Variants in GPATCH1 observed in about 807,000 individuals in gnomAD.
GPATCH1 encodes G-patch domain containing 1.
In GPATCH1, 73 loss-of-function variants were observed where a neutral mutation model predicts 114.9. The observed-to-expected ratio is 0.64, with a 90% CI of 0.53 to 0.77. The LOEUF is 0.77. Ranked by LOEUF, GPATCH1 falls within the 30% of genes least tolerant of loss-of-function variation. The pLI is 0.00. For synonymous variants in GPATCH1, 391 were observed against 428.4 expected (o/e 0.91, Z 1.08); for missense variants, 1,058 against 1,144.3 (o/e 0.92, Z 1.09).
intron 8 of GPATCH1, among the ~76,000 whole-genome samples, chr19:33,100,662 T>C (rs1972715909): frequency 1.4e-5 from 2 of 146,960 alleles, no homozygotes; most frequent in Admixed American, 6.8e-5. Flanking sequence ...GGGAGAGATG[T>C]GGTGGTGCTG....
chr19:33,105,936 C>T (rs1599859055), intron 9 of GPATCH1, among the ~76,000 whole-genome samples: 2 of 152,016 alleles, frequency 1.3e-5, no homozygotes, highest in Admixed American at 1.3e-4. Flanking sequence ...CGACCTCTGC[C>T]TCCCGGGTTT....
intron 9 of GPATCH1, among the ~76,000 whole-genome samples, chr19:33,105,114 C>T (rs1238364069): frequency 6.6e-6 from 1 of 152,056 alleles, no homozygotes; most frequent in African/African-American, 2.4e-5. Flanking sequence ...TGGCTCTACT[C>T]ACATTATTCA....
At chr19:33,110,505 G>T (rs574176598) in intron 11 of GPATCH1, among the ~76,000 whole-genome samples, 4 of 152,270 alleles carry the variant, frequency 2.6e-5, no homozygotes, top group Admixed American at 2.6e-4. Flanking sequence ...GAGGAAAGGG[G>T]TTGCTGTTGT....
Position 33,126,690 on chromosome 19 carries a change from G to A in GPATCH1, c.2722G>A (p.Asp908Asn), listed in dbSNP as rs150873223. ...ESSDSSDSQS[D>N]EETADVSPQE... ...TTCCGACAGCAGCGACAGCCAGAGTGACGAGGAAACCGCAGACGTGTCGCC... is the reference window on the plus strand; with the variant it reads ...TTCCGACAGCAGCGACAGCCAGAGTAACGAGGAAACCGCAGACGTGTCGCC... Residue 908 changes from aspartate (D) to asparagine (N), a missense_variant, in exon 19 of 20, where the codon GAC (aspartate) becomes AAC (asparagine). This residue lies in a region of GPATCH1 where 893 missense variants were observed against 977.4 expected (regional missense o/e 0.91). Coordinates refer to ENST00000170564, the MANE Select transcript of GPATCH1 (RefSeq NM_018025.3). 5.0e-5 allele frequency: 80 copies of A among 1,613,884 alleles called. No individual in the cohort carries two copies. In the African/African-American group the frequency reaches 9.2e-4, roughly 19 times the overall value.
In GPATCH1 at chr19:33,111,062, G is replaced by C. The variant is rs552415815; in HGVS notation, c.1586-662G>C. 4.0e-5 allele frequency among the ~76,000 whole-genome samples: 6 copies of C among 150,398 alleles called. No individual in the cohort carries two copies. The South Asian group carries it at 1.3e-3, about 32-fold the overall frequency. ...AACGGAGTCTTGCTCTGTTGCCCAG[G>C]CTGGAGTGCAGTGTCAGGATCTTGG... On this transcript the variant is annotated intron_variant, in intron 11 of 19. Transcript: ENST00000170564.
rs1973046179 is a variant in GPATCH1, at chr19:33,126,718, A to C, written c.2750A>C (p.Gln917Pro). 1 of 1,612,794 alleles carries C rather than the reference A, an allele frequency of 6.2e-7. No homozygotes were observed. The highest frequency in any genetic ancestry group is 8.5e-7 in the Non-Finnish European group (1 of 1,179,758). Residue 917 changes from glutamine (Q) to proline (P), a missense_variant, in exon 19 of 20, where the codon CAG becomes CCG. By Grantham distance (76) the Gln-to-Pro change is moderately conservative. This residue lies in a region of GPATCH1 where 893 missense variants were observed against 977.4 expected (regional missense o/e 0.91). Transcript: ENST00000170564. ...SDEETADVSP[Q>P]ELLRRLKSLP... Reference sequence around the variant, plus strand: ...GAGGAAACCGCAGACGTGTCGCCCCAGGAGCTGCTGAGACGGTGGGTAGTG... The same window carrying C: ...GAGGAAACCGCAGACGTGTCGCCCCCGGAGCTGCTGAGACGGTGGGTAGTG...
chr19:33,093,192 AAAAT>A (rs1317477419), intron 3 of GPATCH1, among the ~76,000 whole-genome samples, 163 bp from the exon 4 acceptor site: 2 of 152,206 alleles, frequency 1.3e-5, no homozygotes, highest in East Asian at 1.9e-4. Context: ...CTGTCTCAAA[AAAAT>A]AAATAAATAA....
At chr19:33,104,338 C>CGAAAAAAAA (rs1972759539) in intron 9 of GPATCH1, among the ~76,000 whole-genome samples, 1 of 124,936 alleles carries the variant, frequency 8.0e-6, no homozygotes, top group Admixed American at 7.7e-5. Context: ...GACCCTGTCT[C>CGAAAAAAAA]AAAAAAAAGA....
At chr19:33,099,999 G>A (rs867518408) in intron 8 of GPATCH1, among the ~76,000 whole-genome samples, 2 of 151,912 alleles carry the variant, frequency 1.3e-5, no homozygotes, top group South Asian at 2.1e-4. Context: ...TTGAACTCCC[G>A]ACCTCAGGTG....
rs142466986 is a variant in GPATCH1, at chr19:33,093,432, G to A, written c.368G>A (p.Arg123Lys). The A allele has an allele frequency of 3.1e-6, 5 of 1,613,826 alleles. No homozygotes were observed. Among genetic ancestry groups the A allele is most frequent in the Non-Finnish European group, 3.4e-6 (4 of 1,179,854 alleles). Residue 123 changes from arginine to lysine, a missense_variant, in exon 4 of 20, where the codon AGA (arginine) becomes AAA (lysine). Coordinates refer to ENST00000170564, the MANE Select transcript of GPATCH1 (RefSeq NM_018025.3). ...GATTTTGCCTCCAAAACCAAAGACAGAATACGAGAAAAGGCTAGGCAGTTG... is the reference window on the plus strand; with the variant it reads ...GATTTTGCCTCCAAAACCAAAGACAAAATACGAGAAAAGGCTAGGCAGTTG... ...TDDFASKTKD[R>K]IREKARQLAA... is the part of the protein sequence containing the mutation.
At chr19:33,128,991 T>C (rs930542777) in intron 19 of GPATCH1, among the ~76,000 whole-genome samples, 1 of 152,080 alleles carries the variant, frequency 6.6e-6, no homozygotes, top group Non-Finnish European at 1.5e-5. Context: ...CTCACGTCTG[T>C]AATCCCAGCA....
chr19:33,106,651 A>C, intron 9 of GPATCH1, 44 bp from the exon 10 acceptor site: 1 of 1,483,176 alleles, frequency 6.7e-7, no homozygotes, highest in South Asian at 1.1e-5. Flanking sequence ...ATCAAACATG[A>C]TCTTGCAGCC....
chr19:33,124,642 C>T (rs1011995511), intron 17 of GPATCH1, among the ~76,000 whole-genome samples: 1 of 152,158 alleles, frequency 6.6e-6, no homozygotes, highest in Admixed American at 6.6e-5. Context: ...TAGTCTGTGT[C>T]CCTAAAAGGA....
At chr19:33,114,037 C>T (rs1011585530) in intron 14 of GPATCH1, 134 bp downstream of exon 14, 24 of 879,526 alleles carry the variant, frequency 2.7e-5, no homozygotes, top group Non-Finnish European at 4.2e-5. Flanking sequence ...GGGAATTACT[C>T]TTACTAATAA....
intron 8 of GPATCH1, 96 bp downstream of exon 8, chr19:33,097,998 G>A (rs1041395446): frequency 9.8e-6 from 11 of 1,119,416 alleles, no homozygotes; most frequent in African/African-American, 7.8e-5. Flanking sequence ...AGCCTCTGTT[G>A]TTGGTCAAAG....
chr19:33,108,592 C>T (rs1972814115), intron 10 of GPATCH1, among the ~76,000 whole-genome samples: 1 of 151,980 alleles, frequency 6.6e-6, no homozygotes, highest in African/African-American at 2.4e-5. Context: ...GGTTATCTGC[C>T]TGTCCCCTCT....
chr19:33,115,850 A>G (rs569642810), intron 15 of GPATCH1, among the ~76,000 whole-genome samples: 11 of 152,270 alleles, frequency 7.2e-5, no homozygotes, highest in South Asian at 2.1e-4. Context: ...ATACATTTTG[A>G]TAATTTATAT....
chr19:33,095,257 GTTTTTTTTTTTT>G (rs940614947), intron 5 of GPATCH1, among the ~76,000 whole-genome samples: 23 of 109,270 alleles, frequency 2.1e-4, no homozygotes, highest in African/African-American at 1.8e-4. Flanking sequence ...TATCAGTGAG[GTTTTTTTTTTTT>G]TTTTTTTTTT....
Position 33,093,535 on chromosome 19 carries a change from T to C in GPATCH1, c.455+16T>C. On this transcript the variant is annotated intron_variant, in intron 4 of 19. Transcript: ENST00000170564. The stretch of plus-strand genomic sequence containing the variant: ...CGCCAGCAAAGTGAGCATTTCCTTC[T>C]GACTGTCATGATCTTAGCACCGGTG... 6.2e-7 allele frequency: 1 copy of C among 1,606,800 alleles called. No homozygotes were observed. Among genetic ancestry groups the C allele is most frequent in the Non-Finnish European group, 8.5e-7 (1 of 1,176,040 alleles).
Sources: allele counts gnomAD v4.1 joint callset (sites outside exome capture counted in the v4.1 genomes callset), GRCh38; gene constraint gnomAD v4.1.1; regional missense constraint gnomAD v4.1.1; transcripts MANE v1.5; gene names NCBI Gene and HGNC (gene_info 2026-07-23, HGNC 2026-07-21).